Variants in CDH13 observed in about 807,000 individuals in gnomAD.
CDH13 encodes the protein cadherin-13.
In CDH13, 24 loss-of-function variants were observed where a neutral mutation model predicts 63.8. That is an observed-to-expected ratio of 0.38 (90% confidence interval 0.27 to 0.53). CDH13 has a LOEUF of 0.53. CDH13 is among the 20% of genes least tolerant of loss of function. The pLI is 0.85. For missense variants in CDH13, 1,049 were observed against 903.1 expected (o/e 1.16, Z -2.07); for synonymous variants, 503 against 355.3 (o/e 1.42, Z -4.67).
intron 3 of CDH13, among the ~76,000 whole-genome samples, chr16:83,054,960 G>T (rs539991086): frequency 6.6e-6 from 1 of 151,880 alleles, no homozygotes; most frequent in African/African-American, 2.4e-5. Context: ...ATCCAAACAA[G>T]TTTCAAAAGA....
At chr16:83,501,277 C>A (rs1216577619) in intron 7 of CDH13, among the ~76,000 whole-genome samples, 1 of 152,178 alleles carries the variant, frequency 6.6e-6, no homozygotes, top group East Asian at 1.9e-4. Context: ...CAGTGAATGG[C>A]ATTTCTGCTT....
At chr16:82,650,842 C>G (rs1434662560) in intron 1 of CDH13, among the ~76,000 whole-genome samples, 1 of 152,162 alleles carries the variant, frequency 6.6e-6, no homozygotes, top group Non-Finnish European at 1.5e-5. Context: ...TAGGTATCCT[C>G]TAAGTTTGGT....
At chr16:83,104,329 A>T (rs1018695760) in intron 3 of CDH13, among the ~76,000 whole-genome samples, 1 of 152,158 alleles carries the variant, frequency 6.6e-6, no homozygotes. Flanking sequence ...CATTATTGTG[A>T]AGAATTTATT....
intron 3 of CDH13, among the ~76,000 whole-genome samples, chr16:83,113,821 C>A (rs1049210363): frequency 2.0e-5 from 3 of 152,160 alleles, no homozygotes; most frequent in African/African-American, 7.2e-5. Flanking sequence ...AGCTGAGAAG[C>A]AGAGCCAGGA....
intron 1 of CDH13, among the ~76,000 whole-genome samples, chr16:82,663,431 C>T (rs558225661): frequency 2.6e-5 from 4 of 152,194 alleles, no homozygotes; most frequent in South Asian, 2.1e-4. Context: ...ATAATCCACA[C>T]GCCTCGGCCT....
intron 1 of CDH13, among the ~76,000 whole-genome samples, chr16:82,642,082 C>T (rs1909471580): frequency 9.2e-6 from 1 of 108,416 alleles, no homozygotes; most frequent in Admixed American, 1.3e-4. Flanking sequence ...ACTAACAGCT[C>T]ATGGAGGGCA....
chr16:82,749,789 C>T (rs1466215055), intron 1 of CDH13, among the ~76,000 whole-genome samples: 16 of 152,082 alleles, frequency 1.1e-4, no homozygotes, highest in Admixed American at 1.0e-3. Flanking sequence ...TGTTTCTTTG[C>T]CTCCCTCATT....
At chr16:83,155,942 T>C (rs2037190479) in intron 4 of CDH13, among the ~76,000 whole-genome samples, 1 of 152,172 alleles carries the variant, frequency 6.6e-6, no homozygotes, top group Admixed American at 6.5e-5. Context: ...CCCTGGAATC[T>C]TTGGGGAGGA....
chr16:83,065,318 G>A (rs1230997756), intron 3 of CDH13, among the ~76,000 whole-genome samples: 1 of 152,178 alleles, frequency 6.6e-6, no homozygotes, highest in East Asian at 1.9e-4. Flanking sequence ...TAAGAAGTGA[G>A]TTGATCAGCT....
chr16:83,343,084 C>A (rs1270621550), intron 5 of CDH13, among the ~76,000 whole-genome samples: 1 of 151,786 alleles, frequency 6.6e-6, no homozygotes, highest in African/African-American at 2.4e-5. Context: ...TTCATTTTTT[C>A]TTATTACATG....
chr16:83,148,602 A>G (rs866641593), intron 4 of CDH13, among the ~76,000 whole-genome samples: 1 of 152,224 alleles, frequency 6.6e-6, no homozygotes, highest in Non-Finnish European at 1.5e-5. Context: ...AGAGGATTGA[A>G]TAAGATAATC....
intron 3 of CDH13, among the ~76,000 whole-genome samples, chr16:83,096,182 G>A (rs1398568386): frequency 6.6e-6 from 1 of 152,170 alleles, no homozygotes; most frequent in Admixed American, 6.5e-5. Flanking sequence ...TGCGTACCAG[G>A]CTATGTGTGG....
chr16:82,781,259 G>A (rs2035740554), intron 1 of CDH13, among the ~76,000 whole-genome samples: 1 of 152,192 alleles, frequency 6.6e-6, no homozygotes, highest in East Asian at 1.9e-4. Context: ...TTGGCCTATA[G>A]CTTGAAATTA....
At chr16:83,147,679 A>C (rs1031305746) in intron 4 of CDH13, among the ~76,000 whole-genome samples, 36 of 152,024 alleles carry the variant, frequency 2.4e-4, no homozygotes, top group African/African-American at 8.5e-4. Context: ...GGGACAACTC[A>C]TTCCTTTGCC....
chr16:83,422,730 C>G (rs965498872), intron 6 of CDH13, among the ~76,000 whole-genome samples: 1 of 152,108 alleles, frequency 6.6e-6, no homozygotes, highest in Non-Finnish European at 1.5e-5. Flanking sequence ...GCTTGCATGA[C>G]CTCTCATTGA....
intron 2 of CDH13, among the ~76,000 whole-genome samples, chr16:82,906,643 A>C (rs984969560): frequency 6.6e-6 from 1 of 152,036 alleles, no homozygotes; most frequent in Non-Finnish European, 1.5e-5. Context: ...ATTACCACTA[A>C]CTCAAATGGC....
At chr16:83,087,795 C>G (rs4644854) in intron 3 of CDH13, among the ~76,000 whole-genome samples, 22,779 of 150,788 alleles carry the variant, frequency 0.15, 2,180 homozygotes, top group African/African-American at 0.27. Context: ...TCAAACACTT[C>G]AGTCCATTTA....
intron 6 of CDH13, among the ~76,000 whole-genome samples, chr16:83,353,581 AC>A (rs2091000019): frequency 6.6e-6 from 1 of 151,998 alleles, no homozygotes; most frequent in African/African-American, 2.4e-5. Flanking sequence ...TGTGAAAACA[AC>A]TCTTTTCATT....
At chr16:83,475,318 A>G (rs573073767) in intron 6 of CDH13, among the ~76,000 whole-genome samples, 134 of 152,300 alleles carry the variant, frequency 8.8e-4, no homozygotes, top group Non-Finnish European at 1.6e-3. Context: ...TGAAGCGTTC[A>G]ATGAGTCAGC....
Sources: gnomAD v4.1 joint callset for allele counts (sites outside exome capture counted in the v4.1 genomes callset) on GRCh38, gnomAD v4.1.1 for gene constraint, MANE v1.5 for transcripts, NCBI Gene and HGNC (gene_info 2026-07-23, HGNC 2026-07-21) for gene names.